Variants in HAPLN1 observed in about 807,000 individuals in gnomAD.
HAPLN1 encodes Cartilage link protein.
HAPLN1 carries 13 observed loss-of-function variants against 36.5 expected under a neutral mutation model. The ratio of observed to expected loss-of-function variants is 0.36; its 90% CI spans 0.23 to 0.57. The LOEUF is 0.57. Among genes scored for constraint, HAPLN1 ranks in the 20% least tolerant of loss-of-function variants. The pLI is 0.83. For synonymous variants in HAPLN1, 202 were observed against 169.8 expected, an observed-to-expected ratio of 1.19 and a Z score of -1.48; for missense variants, 407 against 439.7, an observed-to-expected ratio of 0.93 and a Z score of 0.66.
chr5:83,717,789 A>G (rs1462038088), intron 1 of HAPLN1, among the ~76,000 whole-genome samples: 1 of 152,194 alleles, frequency 6.6e-6, no homozygotes, highest in Non-Finnish European at 1.5e-5. Flanking sequence ...ACTCCAAGTG[A>G]ACAACAAGTA....
intron 1 of HAPLN1, among the ~76,000 whole-genome samples, chr5:83,700,813 A>G (rs1347349919): frequency 6.6e-6 from 1 of 152,164 alleles, no homozygotes; most frequent in Admixed American, 6.5e-5. Context: ...TTAATTTGAA[A>G]GAGTAACCAT....
intron 1 of HAPLN1, among the ~76,000 whole-genome samples, chr5:83,694,140 G>A (rs1751339426): frequency 6.6e-6 from 1 of 151,756 alleles, no homozygotes; most frequent in Non-Finnish European, 1.5e-5. Flanking sequence ...AAAACAAAAA[G>A]ATATGTGGAA....
intron 1 of HAPLN1, among the ~76,000 whole-genome samples, chr5:83,706,380 T>C (rs1376188552): frequency 6.6e-6 from 1 of 152,132 alleles, no homozygotes; most frequent in Non-Finnish European, 1.5e-5. Flanking sequence ...AGCTAATCCA[T>C]CATGTTCAAG....
intron 2 of HAPLN1, among the ~76,000 whole-genome samples, chr5:83,661,017 G>C (rs1315071059): frequency 3.9e-5 from 6 of 152,084 alleles, no homozygotes; most frequent in African/African-American, 7.3e-5. Flanking sequence ...TCTTTACCGT[G>C]CTCTTCCAGA....
In HAPLN1 at chr5:83,688,893, C is replaced by T. The variant is rs555884669; in HGVS notation, c.-26-15344G>A. On this transcript the variant is annotated intron_variant, in intron 1 of 4. Transcript: ENST00000274341. Reference sequence around the variant, plus strand: ...AAGAAAACTAAACTGAAGACCATGTCAATATGCATTTGTCAACAATGCCCA... The same window carrying T: ...AAGAAAACTAAACTGAAGACCATGTTAATATGCATTTGTCAACAATGCCCA... 1.1e-4 allele frequency among the ~76,000 whole-genome samples: 16 copies of T among 152,136 alleles called. No homozygotes were observed. In the South Asian group the frequency reaches 3.1e-3, roughly 30 times the overall value.
intron 2 of HAPLN1, 140 bp from the exon 3 acceptor site, chr5:83,652,964 T>A (rs1750114434): frequency 2.4e-6 from 2 of 823,698 alleles, no homozygotes; most frequent in African/African-American, 1.7e-5. Context: ...TAATCTCTTT[T>A]GAACCATATA....
intron 1 of HAPLN1, among the ~76,000 whole-genome samples, chr5:83,696,007 A>G (rs568452764): frequency 6.6e-6 from 1 of 152,096 alleles, no homozygotes; most frequent in Non-Finnish European, 1.5e-5. Flanking sequence ...ATAACATGAC[A>G]GTCTACACAG....
chr5:83,642,820 C>T (rs1320519492), intron 4 of HAPLN1, among the ~76,000 whole-genome samples: 5 of 152,180 alleles, frequency 3.3e-5, no homozygotes, highest in Non-Finnish European at 7.3e-5. Flanking sequence ...TCATCTACAC[C>T]AGAGTTCAGC....
intron 1 of HAPLN1, among the ~76,000 whole-genome samples, chr5:83,716,861 GTC>G (rs1751924230): frequency 6.6e-6 from 1 of 152,000 alleles, no homozygotes; most frequent in South Asian, 2.1e-4. Flanking sequence ...GTGAAACCCT[GTC>G]TCTACTAAAA....
At chr5:83,708,951 A>C (rs575897896) in intron 1 of HAPLN1, among the ~76,000 whole-genome samples, 2 of 152,230 alleles carry the variant, frequency 1.3e-5, no homozygotes, top group African/African-American at 4.8e-5. Context: ...ATCTCAGCTC[A>C]CTACAACCTT....
At chr5:83,718,975 A>G (rs1751969577) in intron 1 of HAPLN1, among the ~76,000 whole-genome samples, 1 of 152,204 alleles carries the variant, frequency 6.6e-6, no homozygotes, top group Non-Finnish European at 1.5e-5. Flanking sequence ...CACACCTAAG[A>G]TGCTAAAAGG....
intron 1 of HAPLN1, among the ~76,000 whole-genome samples, chr5:83,691,696 C>G (rs572242904): frequency 1.3e-5 from 2 of 151,678 alleles, no homozygotes; most frequent in Non-Finnish European, 2.9e-5. Flanking sequence ...TTAAAACATA[C>G]GGAATCCAAC....
At chr5:83,665,397 T>C (rs1387884371) in intron 2 of HAPLN1, among the ~76,000 whole-genome samples, 1 of 152,192 alleles carries the variant, frequency 6.6e-6, no homozygotes, top group African/African-American at 2.4e-5. Context: ...TACCCTTCAG[T>C]AACTCTGAGC....
At chr5:83,684,132 A>G (rs1751067305) in intron 1 of HAPLN1, among the ~76,000 whole-genome samples, 1 of 152,166 alleles carries the variant, frequency 6.6e-6, no homozygotes, top group African/African-American at 2.4e-5. Context: ...AAGGATAAGC[A>G]TTACAATAGG....
intron 3 of HAPLN1, among the ~76,000 whole-genome samples, chr5:83,651,177 A>G (rs901889127): frequency 3.3e-5 from 5 of 152,202 alleles, no homozygotes; most frequent in Non-Finnish European, 7.3e-5. Flanking sequence ...AAATGTAACA[A>G]CAGATAATAG....
intron 2 of HAPLN1, among the ~76,000 whole-genome samples, chr5:83,660,644 A>T (rs1750359823): frequency 6.6e-6 from 1 of 151,974 alleles, no homozygotes; most frequent in Non-Finnish European, 1.5e-5. Context: ...GGAAGAAGTA[A>T]AGTGTGAGGA....
At position 83,644,487 on chromosome 5, in the gene HAPLN1, A is replaced by T; in HGVS notation, c.651T>A (p.Tyr217Ter). ...AGGGCTCTCTGGGCTTTGTGATGGG[A>T]TATTGCACAGAGCCATCACTGAGCC... is the stretch of plus-strand genomic sequence containing the variant. ...AGWLSDGSVQYPITKPREPCG... is the reference protein window; with the variant it reads ...AGWLSDGSVQ The change falls in exon 4 of 5, where the codon TAT becomes TAA. Residue 217 changes from tyrosine (Y) to a stop codon, truncating the protein, a stop_gained. Coordinates refer to ENST00000274341, the MANE Select transcript of HAPLN1 (RefSeq NM_001884.4). LOFTEE classifies it high-confidence loss of function. The T allele has an allele frequency of 6.2e-7, 1 of 1,613,006 alleles. No individual in the cohort carries two copies. Among genetic ancestry groups the T allele is most frequent in the Non-Finnish European group, 8.5e-7 (1 of 1,179,528 alleles).
chr5:83,654,521 G>C (rs1199675851), intron 2 of HAPLN1, among the ~76,000 whole-genome samples: 3 of 152,156 alleles, frequency 2.0e-5, no homozygotes, highest in Admixed American at 2.0e-4. Flanking sequence ...TCTAGGAGGA[G>C]GAAAAAGTGC....
chr5:83,712,476 A>G (rs1751812968), intron 1 of HAPLN1, among the ~76,000 whole-genome samples: 2 of 152,174 alleles, frequency 1.3e-5, no homozygotes, highest in Admixed American at 1.3e-4. Flanking sequence ...TTATTAGCAC[A>G]TAGTGTATAT....
Sources: gnomAD v4.1 joint callset for allele counts (sites outside exome capture counted in the v4.1 genomes callset) on GRCh38, gnomAD v4.1.1 for gene constraint, MANE v1.5 for transcripts, NCBI Gene and HGNC (gene_info 2026-07-23, HGNC 2026-07-21) for gene names.